The following GALNT17 variants were observed in gnomAD, a reference collection of about 807,000 sequenced individuals.
GALNT17 encodes the protein UDP-GalNAc:polypeptide N-acetylgalactosaminyltransferase-like 3.
GALNT17 carries 29 observed loss-of-function variants against 63.7 expected under a neutral mutation model. The ratio of observed to expected loss-of-function variants is 0.46; its 90% CI spans 0.34 to 0.62. The LOEUF is 0.62. Ranked by LOEUF, GALNT17 falls within the 20% of genes least tolerant of loss-of-function variation. GALNT17 has a pLI of 0.01. For synonymous variants in GALNT17, 305 were observed against 318.3 expected (o/e 0.96, Z 0.45); for missense variants, 603 against 799.6 (o/e 0.75, Z 2.97).
chr7:71,157,511 A>T (rs567576467), intron 1 of GALNT17, among the ~76,000 whole-genome samples: 1 of 151,730 alleles, frequency 6.6e-6, no homozygotes, highest in Non-Finnish European at 1.5e-5. Context: ...TACAAAAATT[A>T]GCAGGGCATG....
chr7:71,603,141 A>G (rs1789991847), intron 6 of GALNT17, among the ~76,000 whole-genome samples: 1 of 151,710 alleles, frequency 6.6e-6, no homozygotes, highest in Non-Finnish European at 1.5e-5. Context: ...ACCAGATACT[A>G]TGCTAAATGC....
intron 3 of GALNT17, among the ~76,000 whole-genome samples, chr7:71,414,488 C>A (rs1793489426): frequency 6.6e-6 from 1 of 152,096 alleles, no homozygotes; most frequent in Non-Finnish European, 1.5e-5. Context: ...TCCCAAAGCT[C>A]TTTAGATGTG....
chr7:71,305,749 A>G (rs558690296), intron 1 of GALNT17, among the ~76,000 whole-genome samples: 5 of 152,180 alleles, frequency 3.3e-5, no homozygotes, highest in East Asian at 1.9e-4. Flanking sequence ...CCATATCTCA[A>G]TGAACCTTTT....
Position 71,345,630 on chromosome 7 carries a change from C to T in GALNT17, c.422+9897C>T, listed in dbSNP as rs1052335635. On this transcript the variant is annotated intron_variant, in intron 2 of 10. Coordinates refer to ENST00000333538, the MANE Select transcript of GALNT17 (RefSeq NM_022479.3). ...CTGACCATGGGTATTTGAGAATCAT[C>T]CAACTCCAGTGGGTATTTTAGGTTG... Among the ~76,000 whole-genome samples, 100 of 152,214 alleles carry T rather than the reference C, an allele frequency of 6.6e-4. 2 individuals carry two copies. The highest frequency in any genetic ancestry group is 2.3e-3 in the African/African-American group (94 of 41,540).
At position 71,358,573 on chromosome 7, in the gene GALNT17, T is replaced by TG. The variant is rs1792335684; in HGVS notation, c.422+22841dup. On this transcript the variant is annotated intron_variant, in intron 2 of 10. Transcript: ENST00000333538. ...TTCCACAGTTTTCCTAGATTTTCCT[T>TG]GCGCTCTGTATGAAGGTTTGCAATA... is the stretch of plus-strand genomic sequence containing the variant. Among the ~76,000 whole-genome samples, 3 of 152,274 alleles carry TG rather than the reference T, an allele frequency of 2.0e-5. No individual in the cohort carries two copies. In the South Asian group the frequency reaches 6.2e-4, roughly 32 times the overall value.
chr7:71,146,628 C>T (rs1788029140), intron 1 of GALNT17, among the ~76,000 whole-genome samples: 1 of 152,144 alleles, frequency 6.6e-6, no homozygotes, highest in Non-Finnish European at 1.5e-5. Flanking sequence ...ATCCTCCCTT[C>T]CACAGCACTT....
intron 5 of GALNT17, among the ~76,000 whole-genome samples, chr7:71,529,337 G>T (rs1009230956): frequency 6.6e-6 from 1 of 151,960 alleles, no homozygotes; most frequent in Non-Finnish European, 1.5e-5. Flanking sequence ...GTGAAATTAG[G>T]TACCAAATGG....
intron 9 of GALNT17, among the ~76,000 whole-genome samples, chr7:71,702,337 A>G (rs10085628): frequency 0.14 from 20,751 of 152,148 alleles, 1,621 homozygotes; most frequent in African/African-American, 0.2. Context: ...AGAGAGAAGG[A>G]ACAGCCAGTG....
rs537124264 is a variant in GALNT17 at position 71,595,002 on chromosome 7, AAG to A, written c.1080+23605_1080+23606del. 3.2e-3 allele frequency among the ~76,000 whole-genome samples: 481 copies of A among 152,282 alleles called. 3 individuals carry two copies. Among genetic ancestry groups the A allele is most frequent in the African/African-American group, 0.011 (462 of 41,566 alleles). ...ATCCAGTGTGATTCATGTTGTGATA[AAG>A]AGAGGGGAAGACACAGATACACAAG... On this transcript the variant is annotated intron_variant, in intron 6 of 10. Coordinates refer to ENST00000333538, the MANE Select transcript of GALNT17 (RefSeq NM_022479.3).
chr7:71,156,352 G>C (rs1006463234), intron 1 of GALNT17, among the ~76,000 whole-genome samples: 1 of 151,844 alleles, frequency 6.6e-6, no homozygotes, highest in African/African-American at 2.4e-5. Flanking sequence ...CTAATTTCCA[G>C]ATTCCTCAAG....
chr7:71,293,816 G>A (rs186591090), intron 1 of GALNT17, among the ~76,000 whole-genome samples: 73 of 152,200 alleles, frequency 4.8e-4, no homozygotes, highest in African/African-American at 1.8e-3. Flanking sequence ...TTAGTTTCAT[G>A]GTATTTTCTT....
chr7:71,347,370 C>G (rs1792114603), intron 2 of GALNT17, among the ~76,000 whole-genome samples: 1 of 152,096 alleles, frequency 6.6e-6, no homozygotes. Flanking sequence ...GTAATCATAT[C>G]TACTTTATAG....
chr7:71,628,611 C>T (rs1790410425), intron 6 of GALNT17, among the ~76,000 whole-genome samples: 3 of 152,172 alleles, frequency 2.0e-5, no homozygotes, highest in Admixed American at 2.0e-4. Flanking sequence ...GCCTGAGCCA[C>T]CATGCCCAGC....
At chr7:71,288,214 T>TCAAAA (rs1790911445) in intron 1 of GALNT17, among the ~76,000 whole-genome samples, 1 of 11,604 alleles carries the variant, frequency 8.6e-5, no homozygotes, top group African/African-American at 2.3e-4. Flanking sequence ...GGACTCCATC[T>TCAAAA]CAAAAAAAAA....
intron 1 of GALNT17, among the ~76,000 whole-genome samples, chr7:71,253,733 G>A (rs762969941): frequency 3.9e-5 from 6 of 152,044 alleles, no homozygotes; most frequent in Non-Finnish European, 7.4e-5. Flanking sequence ...ATAGGTACAG[G>A]TAAGAATTTC....
intron 6 of GALNT17, among the ~76,000 whole-genome samples, chr7:71,598,646 T>C (rs2116930775): frequency 6.6e-6 from 1 of 152,294 alleles, no homozygotes; most frequent in African/African-American, 2.4e-5. Context: ...TATTCTAACA[T>C]GGACTTGAGA....
intron 3 of GALNT17, among the ~76,000 whole-genome samples, chr7:71,407,886 T>C (rs1047404734): frequency 2.6e-5 from 4 of 152,082 alleles, no homozygotes; most frequent in Non-Finnish European, 4.4e-5. Flanking sequence ...GCAGAAAGCA[T>C]GTTAGTGGTC....
At position 71,242,286 on chromosome 7, in the gene GALNT17, T is replaced by TTTC. The variant is rs1554343530; in HGVS notation, c.239-93263_239-93262insTCT. Among the ~76,000 whole-genome samples, 5 of 132,240 alleles carry TTTC rather than the reference T, an allele frequency of 3.8e-5. 1 individual carries two copies. Among genetic ancestry groups the TTTC allele is most frequent in the Admixed American group, 1.6e-4 (2 of 12,386 alleles). 86.8% of individuals were successfully genotyped at this position (132,240 alleles called of 152,430 possible). On this transcript the variant is annotated intron_variant, in intron 1 of 10. Transcript: ENST00000333538. ...TTTTTCTTTTTCTTTTTTTTTTTTT[T>TTTC]TGAGACAGAGTCTCACTCTGTCGCC...
intron 2 of GALNT17, among the ~76,000 whole-genome samples, chr7:71,371,496 G>A (rs1792623022): frequency 6.6e-6 from 1 of 151,992 alleles, no homozygotes; most frequent in Admixed American, 6.6e-5. Flanking sequence ...ATCTAATTGT[G>A]CTCTTTGAGT....
Sources: gnomAD v4.1 joint callset for allele counts (sites outside exome capture counted in the v4.1 genomes callset) on GRCh38, gnomAD v4.1.1 for gene constraint, MANE v1.5 for transcripts, NCBI Gene and HGNC (gene_info 2026-07-23, HGNC 2026-07-21) for gene names.